The following ANKS1B variants were observed in gnomAD, a reference collection of about 807,000 sequenced individuals.
ANKS1B encodes the protein ankyrin repeat and sterile alpha motif domain containing 1B.
ANKS1B carries 36 observed loss-of-function variants against 148.3 expected under a neutral mutation model. The observed-to-expected ratio is 0.24, with a 90% CI of 0.19 to 0.32. ANKS1B has a LOEUF of 0.32. Ranked by LOEUF, ANKS1B falls within the 10% of genes least tolerant of loss-of-function variation. The probability of loss-of-function intolerance (pLI) is 1.00; values close to 1 mark genes in which losing one functional copy is unlikely to be tolerated. For missense variants in ANKS1B, 1,157 were observed against 1,542.6 expected (o/e 0.75, Z 4.19); for synonymous variants, 542 against 560.8 (o/e 0.97, Z 0.47).
chr12:99,952,637 T>C (rs2095247698), intron 1 of ANKS1B, among the ~76,000 whole-genome samples: 1 of 152,202 alleles, frequency 6.6e-6, no homozygotes, highest in Non-Finnish European at 1.5e-5. Flanking sequence ...TAAAGGCTCT[T>C]GTACTTTCAA....
chr12:99,465,315 C>G (rs1215694801), intron 10 of ANKS1B, among the ~76,000 whole-genome samples: 3 of 152,152 alleles, frequency 2.0e-5, no homozygotes. Context: ...AAAGGAACAA[C>G]CAGTACCAGC....
chr12:98,919,353 C>G (rs1567783849), intron 17 of ANKS1B, among the ~76,000 whole-genome samples: 1 of 152,168 alleles, frequency 6.6e-6, no homozygotes, highest in Non-Finnish European at 1.5e-5. Context: ...TTCCAATGAC[C>G]AGTGCAATGA....
At chr12:98,825,262 A>C (rs1460134643) in intron 19 of ANKS1B, among the ~76,000 whole-genome samples, 1 of 152,192 alleles carries the variant, frequency 6.6e-6, no homozygotes, top group Non-Finnish European at 1.5e-5. Flanking sequence ...AATAATATCA[A>C]AACAACAAAC....
At chr12:98,939,940 A>C (rs1000971483) in intron 17 of ANKS1B, among the ~76,000 whole-genome samples, 2 of 152,212 alleles carry the variant, frequency 1.3e-5, no homozygotes, top group African/African-American at 4.8e-5. Flanking sequence ...TGTCCTCTGA[A>C]TTTGGTCTTT....
At chr12:99,541,677 A>G (rs1026735690) in intron 9 of ANKS1B, among the ~76,000 whole-genome samples, 5 of 152,082 alleles carry the variant, frequency 3.3e-5, no homozygotes, top group Admixed American at 3.3e-4. Flanking sequence ...CAACATGGTG[A>G]AACCCCATCT....
intron 8 of ANKS1B, among the ~76,000 whole-genome samples, chr12:99,668,467 C>G (rs1451400542): frequency 6.6e-6 from 1 of 151,520 alleles, no homozygotes; most frequent in Non-Finnish European, 1.5e-5. Flanking sequence ...GACCTTTCTC[C>G]TTTTCCTATA....
chr12:99,045,280 A>G (rs990064121), intron 17 of ANKS1B, among the ~76,000 whole-genome samples: 3 of 151,888 alleles, frequency 2.0e-5, no homozygotes, highest in African/African-American at 7.3e-5. Context: ...TAAAAAATTA[A>G]TTTTTTTTGC....
intron 17 of ANKS1B, among the ~76,000 whole-genome samples, chr12:98,914,571 C>A (rs2099791513): frequency 6.6e-6 from 1 of 152,120 alleles, no homozygotes; most frequent in African/African-American, 2.4e-5. Context: ...CCTATCCCTA[C>A]CTTTATTTCT....
intron 1 of ANKS1B, among the ~76,000 whole-genome samples, chr12:99,974,837 G>A (rs1347140732): frequency 6.6e-6 from 1 of 152,168 alleles, no homozygotes; most frequent in East Asian, 1.9e-4. Flanking sequence ...TTACGGGCAT[G>A]AGCCACTGTG....
chr12:98,831,113 A>G (rs1272771199), intron 18 of ANKS1B: 2 of 151,180 alleles, frequency 1.3e-5, no homozygotes, highest in Non-Finnish European at 2.9e-5. Context: ...ATGCCCGGCT[A>G]ATTTTTTGTA....
At chr12:99,601,011 G>A (rs139998384) in intron 9 of ANKS1B, among the ~76,000 whole-genome samples, 4 of 152,108 alleles carry the variant, frequency 2.6e-5, no homozygotes, top group Non-Finnish European at 5.9e-5. Context: ...CTGGGACCAT[G>A]CCAGATAGTA....
intron 22 of ANKS1B, among the ~76,000 whole-genome samples, chr12:98,784,965 C>A (rs551799309): frequency 6.6e-6 from 1 of 152,164 alleles, no homozygotes; most frequent in Non-Finnish European, 1.5e-5. Flanking sequence ...AGTCATTTGA[C>A]AAGAAGCTGA....
chr12:99,109,190 T>TA (rs1463632857), intron 15 of ANKS1B, among the ~76,000 whole-genome samples: 1 of 83,694 alleles, frequency 1.2e-5, no homozygotes, highest in African/African-American at 4.4e-5. Context: ...CATCAGCACT[T>TA]GCTAGCTTCT....
chr12:99,849,167 C>A (rs2087244395), intron 1 of ANKS1B, among the ~76,000 whole-genome samples: 1 of 151,810 alleles, frequency 6.6e-6, no homozygotes, highest in African/African-American at 2.4e-5. Context: ...CATATGTATT[C>A]CCTGAATCTA....
chr12:99,538,860 C>A (rs1350512530), intron 9 of ANKS1B, among the ~76,000 whole-genome samples: 1 of 152,088 alleles, frequency 6.6e-6, no homozygotes. Context: ...ATTCAATGTG[C>A]TACTAGCTAT....
intron 16 of ANKS1B, among the ~76,000 whole-genome samples, 180 bp downstream of exon 16, chr12:99,084,745 C>G (rs1399822696): frequency 6.6e-6 from 1 of 151,964 alleles, no homozygotes; most frequent in Admixed American, 6.6e-5. Flanking sequence ...AAACCTCAAG[C>G]CAAGTGTGGC....
intron 25 of ANKS1B, among the ~76,000 whole-genome samples, chr12:98,761,366 ATAC>A (rs768639248): frequency 1.1e-4 from 16 of 152,334 alleles, no homozygotes; most frequent in Middle Eastern, 3.4e-3. Context: ...TCTTATTAAA[ATAC>A]TATTTTCGGA....
intron 4 of ANKS1B, among the ~76,000 whole-genome samples, chr12:99,794,210 A>T (rs1431293569): frequency 2.6e-5 from 4 of 151,980 alleles, no homozygotes; most frequent in African/African-American, 9.7e-5. Context: ...GGAATCCTAT[A>T]TACTGTAGGT....
intron 10 of ANKS1B, among the ~76,000 whole-genome samples, chr12:99,488,638 T>C (rs1048278198): frequency 6.6e-6 from 1 of 152,172 alleles, no homozygotes; most frequent in East Asian, 1.9e-4. Context: ...CTAGCTCCAG[T>C]GAAGCTCTTT....
Sources: allele counts gnomAD v4.1 joint callset (sites outside exome capture counted in the v4.1 genomes callset), GRCh38; gene constraint gnomAD v4.1.1; transcripts MANE v1.5; gene names NCBI Gene and HGNC (gene_info 2026-07-23, HGNC 2026-07-21).